CC2D1B: variants seen among roughly 807,000 people sequenced by gnomAD.
CC2D1B encodes the protein coiled-coil and C2 domain containing 1B.
Under a neutral mutation model 110.8 loss-of-function variants are expected in CC2D1B, and 92 were observed. That is an observed-to-expected ratio of 0.83 (90% CI 0.70 to 0.99). CC2D1B has a LOEUF of 0.99. Ranked by LOEUF, CC2D1B falls within the 50% of genes least tolerant of loss-of-function variation. The pLI is 0.00. For missense variants in CC2D1B, 1,136 were observed against 1,089.0 expected (o/e 1.04, Z -0.61); for synonymous variants, 406 against 429.2 (o/e 0.95, Z 0.67).
chr1:52,360,887 G>A, intron 5 of CC2D1B, 87 bp downstream of exon 5: 1 of 1,510,228 alleles, frequency 6.6e-7, no homozygotes, highest in South Asian at 1.2e-5. Flanking sequence ...GGTGACTGCA[G>A]CCTTGCTGTG....
chr1:52,363,898 C>T (rs1478748408), intron 2 of CC2D1B, among the ~76,000 whole-genome samples: 1 of 152,150 alleles, frequency 6.6e-6, no homozygotes, highest in Non-Finnish European at 1.5e-5. Flanking sequence ...CCAGGCTGGT[C>T]TCAAACTCCT....
At chr1:52,364,832 G>T (rs775299105) in intron 1 of CC2D1B, among the ~76,000 whole-genome samples, 198 bp from the exon 2 acceptor site, 3 of 152,226 alleles carry the variant, frequency 2.0e-5, no homozygotes, top group Non-Finnish European at 4.4e-5. Context: ...TGGGTTTACT[G>T]AGGAATGTTC....
At chr1:52,353,737 G>A in intron 23 of CC2D1B, 90 bp from the exon 24 acceptor site, 1 of 906,606 alleles carries the variant, frequency 1.1e-6, no homozygotes, top group South Asian at 1.7e-5. Flanking sequence ...GAAGTGAGAG[G>A]AGCTAAGATG....
At position 52,356,313 on chromosome 1, in the gene CC2D1B, T is replaced by G; in HGVS notation, c.1938-11A>C. The G allele has an allele frequency of 6.2e-7, 1 of 1,613,822 alleles. No individual in the cohort carries two copies. The highest frequency in any genetic ancestry group is 8.5e-7 in the Non-Finnish European group (1 of 1,179,684). ...GCAAGCTTCTCAAATCTGACAGGGATGGGTATGTCAGCATGATGGTGGATT... is the reference window on the plus strand; with the variant it reads ...GCAAGCTTCTCAAATCTGACAGGGAGGGGTATGTCAGCATGATGGTGGATT... On this transcript the variant is annotated splice_polypyrimidine_tract_variant and intron_variant, in intron 17 of 24. Coordinates refer to ENST00000284376, the MANE Select transcript of CC2D1B (RefSeq NM_001330585.2).
rs148030121 is a variant in CC2D1B, at chr1:52,356,158, G to T, written c.2054+28C>A. On this transcript the variant is annotated intron_variant, in intron 18 of 24. Transcript: ENST00000284376. ...CCAGCCTCCTGCCCCTCCCTGCCTG[G>T]AGCCCCTGTTTCCCTAGGCCTTGGT... 821 of 1,573,526 alleles carry T rather than the reference G, an allele frequency of 5.2e-4. 2 individuals are homozygous for T. The highest frequency in any genetic ancestry group is 6.5e-4 in the Non-Finnish European group (742 of 1,143,554).
rs777975774 is a variant in CC2D1B, at chr1:52,357,109, C to T, written c.1770G>A (p.Thr590=). The change falls in exon 16 of 25, where the codon ACG becomes ACA. Residue 590 remains threonine (T), a synonymous_variant. Transcript: ENST00000284376. The stretch of plus-strand genomic sequence containing the variant: ...TGAGGATGAAGTCACCCTCCTCATC[C>T]GTCAAGGGCGAAGGCACCTACCCAG... ...VDLSKVPSPL[T]DEEGDFILIH... is the part of the protein sequence containing the mutation. 3.0e-5 allele frequency: 48 copies of T among 1,613,686 alleles called. No individual in the cohort carries two copies. The highest frequency in any genetic ancestry group is 3.9e-5 in the Non-Finnish European group (46 of 1,179,924).
At chr1:52,358,874 G>A in intron 11 of CC2D1B, 116 bp from the exon 12 acceptor site, 1 of 1,416,190 alleles carries the variant, frequency 7.1e-7, no homozygotes, top group Middle Eastern at 2.1e-4. Context: ...GCAGCCCTGG[G>A]AGAAAAAAAG....
At chr1:52,362,814 C>T in intron 2 of CC2D1B, 68 bp from the exon 3 acceptor site, 1 of 1,542,710 alleles carries the variant, frequency 6.5e-7, no homozygotes, top group African/African-American at 1.4e-5. Flanking sequence ...CAGAGCCAGA[C>T]TTGGGGCTCT....
chr1:52,356,163 CCT>C (rs764439056), intron 18 of CC2D1B, 21 bp downstream of exon 18: 18 of 1,581,168 alleles, frequency 1.1e-5, no homozygotes, highest in East Asian at 9.0e-5. Context: ...GCCTGGAGCC[CCT>C]GTTTCCCTAG....
intron 21 of CC2D1B, 32 bp from the exon 22 acceptor site, chr1:52,354,971 T>G (rs72899806): frequency 9.7e-5 from 152 of 1,562,946 alleles, no homozygotes; most frequent in Non-Finnish European, 1.2e-4. Context: ...AGGAGGGGCT[T>G]GGCTCTCGGG....
Position 52,354,700 on chromosome 1 carries a change from T to C in CC2D1B, c.2340-2A>G. 6.2e-7 allele frequency: 1 copy of C among 1,614,144 alleles called. No individual in the cohort carries two copies. The highest frequency in any genetic ancestry group is 8.5e-7 in the Non-Finnish European group (1 of 1,179,984). ...AGCTTGTCGCTTCTGAAGAAGGACC[T>C]GGGGAGTCAAGAGGCAGCAGAGGAT... is the stretch of plus-strand genomic sequence containing the variant. On this transcript the variant is annotated splice_acceptor_variant, in intron 22 of 24. Coordinates refer to ENST00000284376, the MANE Select transcript of CC2D1B (RefSeq NM_001330585.2). LOFTEE classifies it high-confidence loss of function.
In CC2D1B at chr1:52,360,214, G is replaced by A. The variant is rs1012531048; in HGVS notation, c.623C>T (p.Ala208Val). The change falls in exon 7 of 25, where the codon GCC (alanine) becomes GTC (valine). Residue 208 changes from alanine to valine, a missense_variant. Transcript: ENST00000284376. ...GATCTTTCTGCCTCTCCTCACAGAG[G>A]CTAGCTGCGACTCCAAGGTCTGAGG... ...RGLKTLESQL[A>V]SVRRGRKINE... 2 of 1,613,922 alleles carry A rather than the reference G, an allele frequency of 1.2e-6. No individual in the cohort carries two copies. The highest frequency in any genetic ancestry group is 2.7e-5 in the African/African-American group (2 of 74,916).
intron 1 of CC2D1B, 50 bp from the exon 2 acceptor site, chr1:52,364,684 C>A (rs1646849446): frequency 1.7e-5 from 21 of 1,263,162 alleles, no homozygotes; most frequent in Non-Finnish European, 2.4e-5. Flanking sequence ...TAAGCCACGC[C>A]CCCAACAGTG....
chr1:52,354,417 C>T lies in CC2D1B; in HGVS notation c.2430+191G>A, dbSNP rs1646596904. 4.2e-6 allele frequency: 3 copies of T among 707,586 alleles called. No individual in the cohort carries two copies. In the South Asian group the frequency reaches 4.5e-5, roughly 11 times the overall value. The allele number at this position is 707,586 out of a possible 1,614,324, so 43.8% of individuals were successfully genotyped here. A position where few individuals can be genotyped will look rare whatever the true frequency, so the allele number is the denominator to read the frequency against. On this transcript the variant is annotated intron_variant, in intron 23 of 24. Coordinates refer to ENST00000284376, the MANE Select transcript of CC2D1B (RefSeq NM_001330585.2). ...CAAGGAGGCTGCCTTCTCCTGGGTCCCTCTGTGAGATTTCTCAGACCTTCT... is the reference window on the plus strand; with the variant it reads ...CAAGGAGGCTGCCTTCTCCTGGGTCTCTCTGTGAGATTTCTCAGACCTTCT...
chr1:52,353,417 A>G (rs1646568799), intron 24 of CC2D1B, 101 bp downstream of exon 24: 2 of 1,523,610 alleles, frequency 1.3e-6, no homozygotes. Flanking sequence ...GGTCTTTCTC[A>G]TAGATGAGAA....
intron 4 of CC2D1B, 161 bp downstream of exon 4, chr1:52,361,352 G>T: frequency 7.5e-7 from 1 of 1,327,490 alleles, no homozygotes; most frequent in Non-Finnish European, 1.0e-6. Context: ...GCTTAGACCA[G>T]AAGTCAAAGA....
chr1:52,356,135 A>C (rs759813340), intron 18 of CC2D1B, 51 bp downstream of exon 18: 1 of 1,492,672 alleles, frequency 6.7e-7, no homozygotes, highest in East Asian at 2.3e-5. Context: ...CTGGGCTCCC[A>C]GCCTCCTGCC....
Position 52,350,830 on chromosome 1 carries a change from C to T in CC2D1B, c.*2395G>A, listed in dbSNP as rs1646521575. On this transcript the variant is annotated 3_prime_UTR_variant, in exon 25 of 25. Transcript: ENST00000284376. ...GTACAATCGAGGCTCACTGCAACCT[C>T]TGCTTCCTGGGCTCAAGGGATTCGT... The T allele has an allele frequency of 6.6e-6, 1 of 152,310 alleles. No homozygotes were observed. Among genetic ancestry groups the T allele is most frequent in the African/African-American group, 2.4e-5 (1 of 41,454 alleles). 9.4% of individuals were successfully genotyped at this position (152,310 alleles called of 1,614,324 possible). A position where few individuals can be genotyped will look rare whatever the true frequency, so the allele number is the denominator to read the frequency against.
Position 52,358,537 on chromosome 1 carries a change from G to C in CC2D1B, c.1331-76C>G, listed in dbSNP as rs370984448. 142 of 1,605,694 alleles carry C rather than the reference G, an allele frequency of 8.8e-5. 1 individual carries two copies. The East Asian group carries it at 1.2e-3, about 13-fold the overall frequency. ...ACAAAGCTACCCGGGGCCCTGTCTG[G>C]GGCATGGCTCTGCTGGGGCATGGCT... On this transcript the variant is annotated intron_variant, in intron 12 of 24. Transcript: ENST00000284376.
Sources: gnomAD v4.1 joint callset for allele counts (sites outside exome capture counted in the v4.1 genomes callset) on GRCh38, gnomAD v4.1.1 for gene constraint, MANE v1.5 for transcripts, NCBI Gene and HGNC (gene_info 2026-07-23, HGNC 2026-07-21) for gene names.